Variants in FRYL observed in about 807,000 individuals in gnomAD.
FRYL encodes FRY like transcription coactivator, also known as protein furry homolog-like.
A neutral mutation model predicts 351.2 loss-of-function variants in FRYL; 150 were observed. The observed-to-expected ratio is 0.43, with a 90% CI of 0.37 to 0.49. The LOEUF is 0.49. Among genes scored for constraint, FRYL ranks in the 20% least tolerant of loss-of-function variants. The pLI is 0.00. For synonymous variants in FRYL, 1,153 were observed against 1,257.1 expected, an observed-to-expected ratio of 0.92 and a Z score of 1.75; for missense variants, 3,036 against 3,619.3, an observed-to-expected ratio of 0.84 and a Z score of 4.13.
chr4:48,774,975 G>C (rs1157327682), intron 1 of FRYL, among the ~76,000 whole-genome samples: 1 of 152,210 alleles, frequency 6.6e-6, no homozygotes, highest in African/African-American at 2.4e-5. Flanking sequence ...TTATTTGCTA[G>C]GATACCCATG....
At chr4:48,551,869 A>G (rs1732840270) in intron 36 of FRYL, among the ~76,000 whole-genome samples, 1 of 152,212 alleles carries the variant, frequency 6.6e-6, no homozygotes. Flanking sequence ...GAACTTCCAA[A>G]AGGTAGCATC....
chr4:48,580,018 A>G (rs572856438), intron 22 of FRYL, among the ~76,000 whole-genome samples: 1 of 152,012 alleles, frequency 6.6e-6, no homozygotes, highest in Admixed American at 6.6e-5. Flanking sequence ...AAATAAATAA[A>G]AATTAAAAAT....
chr4:48,733,854 T>G (rs889817411), intron 1 of FRYL, among the ~76,000 whole-genome samples: 8 of 151,962 alleles, frequency 5.3e-5, no homozygotes, highest in Non-Finnish European at 1.2e-4. Flanking sequence ...TACCACTAAA[T>G]GCACATTGCA....
chr4:48,743,425 C>T (rs10008265), intron 1 of FRYL, among the ~76,000 whole-genome samples: 77,745 of 151,814 alleles, frequency 0.51, 20,381 homozygotes, highest in African/African-American at 0.61. Context: ...AGAAAGGAAA[C>T]CTGATCAAGT....
chr4:48,693,464 G>A (rs1765852614), intron 2 of FRYL, among the ~76,000 whole-genome samples: 1 of 152,054 alleles, frequency 6.6e-6, no homozygotes, highest in African/African-American at 2.4e-5. Flanking sequence ...ATGGGCACCT[G>A]AGCATTTATT....
chr4:48,590,883 T>C, intron 16 of FRYL, 53 bp from the exon 17 acceptor site: 1 of 1,383,638 alleles, frequency 7.2e-7, no homozygotes, highest in South Asian at 1.3e-5. Context: ...AATTACCTTT[T>C]TTGCATGTTA....
In FRYL at chr4:48,602,128, G is replaced by A. The variant is rs1332677559; in HGVS notation, c.934-7C>T. ...TAATTAGTGGATATAAAGCCTATAG[G>A]AGACGGGGAAAAGACAGAATTAACA... On this transcript the variant is annotated splice_region_variant and splice_polypyrimidine_tract_variant and intron_variant, in intron 12 of 63. Coordinates refer to ENST00000358350, the MANE Select transcript of FRYL (RefSeq NM_015030.2). 16 of 1,402,216 alleles carry A rather than the reference G, an allele frequency of 1.1e-5. No homozygotes were observed. The highest frequency in any genetic ancestry group is 1.4e-5 in the African/African-American group (1 of 70,362). 86.9% of individuals were successfully genotyped at this position (1,402,216 alleles called of 1,614,324 possible).
At chr4:48,597,403 G>A (rs1218150528) in intron 13 of FRYL, among the ~76,000 whole-genome samples, 1 of 152,054 alleles carries the variant, frequency 6.6e-6, no homozygotes, top group Non-Finnish European at 1.5e-5. Flanking sequence ...TGTAAGCTGT[G>A]GGCTTTGTGT....
chr4:48,645,443 T>G (rs1287800548), intron 3 of FRYL, among the ~76,000 whole-genome samples: 2 of 152,102 alleles, frequency 1.3e-5, no homozygotes, highest in Non-Finnish European at 2.9e-5. Context: ...TAATATCCAC[T>G]TGGCATATTT....
chr4:48,695,658 A>G (rs1766088825), intron 2 of FRYL, among the ~76,000 whole-genome samples: 1 of 152,198 alleles, frequency 6.6e-6, no homozygotes, highest in South Asian at 2.1e-4. Context: ...AGCAATTGCA[A>G]CAAAAGCAAA....
intron 2 of FRYL, among the ~76,000 whole-genome samples, chr4:48,695,012 T>C (rs1180241428): frequency 6.6e-6 from 1 of 152,122 alleles, no homozygotes; most frequent in Admixed American, 6.6e-5. Flanking sequence ...CAGTGAGCAG[T>C]GACTGTGCCC....
intron 2 of FRYL, among the ~76,000 whole-genome samples, chr4:48,687,824 G>C (rs992464512): frequency 2.6e-5 from 4 of 152,150 alleles, no homozygotes; most frequent in Non-Finnish European, 5.9e-5. Context: ...GAATTGAACA[G>C]AGAAGTTATG....
chr4:48,773,327 C>T (rs1462076311), intron 1 of FRYL, among the ~76,000 whole-genome samples: 1 of 152,088 alleles, frequency 6.6e-6, no homozygotes, highest in East Asian at 1.9e-4. Context: ...TAGCAATATG[C>T]AAGAGTAATG....
chr4:48,551,735 A>C (rs569392340), intron 36 of FRYL, among the ~76,000 whole-genome samples, 157 bp from the exon 37 acceptor site: 15 of 152,366 alleles, frequency 9.8e-5, no homozygotes. Context: ...AAGGGAAAGG[A>C]CATAAGACAA....
At chr4:48,573,947 C>T (rs1386773131) in intron 25 of FRYL, among the ~76,000 whole-genome samples, 1 of 152,130 alleles carries the variant, frequency 6.6e-6, no homozygotes, top group African/African-American at 2.4e-5. Flanking sequence ...TTTTCCTAGA[C>T]ATTTTCATTT....
At chr4:48,708,400 G>C (rs1364813876) in intron 2 of FRYL, among the ~76,000 whole-genome samples, 1 of 152,120 alleles carries the variant, frequency 6.6e-6, no homozygotes, top group Non-Finnish European at 1.5e-5. Flanking sequence ...CTGGGAGGTG[G>C]AAGTTGCAGT....
intron 7 of FRYL, chr4:48,618,577 C>A (rs1750019581): frequency 8.5e-6 from 1 of 116,962 alleles, no homozygotes; most frequent in Non-Finnish European, 1.7e-5. Context: ...CTTTAAAGAC[C>A]ATGATCTTTA....
chr4:48,515,974 A>G (rs1723506946), intron 55 of FRYL, among the ~76,000 whole-genome samples: 1 of 152,032 alleles, frequency 6.6e-6, no homozygotes, highest in African/African-American at 2.4e-5. Context: ...AGGAGAGATG[A>G]CTCAAAATAA....
chr4:48,609,700 G>GA (rs1241538376), intron 8 of FRYL, 44 bp downstream of exon 8: 2 of 920,180 alleles, frequency 2.2e-6, no homozygotes, highest in Non-Finnish European at 1.7e-6. Context: ...TCTAGACCTG[G>GA]ATTGCAAAAA....
Sources: allele counts gnomAD v4.1 joint callset (sites outside exome capture counted in the v4.1 genomes callset), GRCh38; gene constraint gnomAD v4.1.1; transcripts MANE v1.5; gene names NCBI Gene and HGNC (gene_info 2026-07-23, HGNC 2026-07-21).